Variants in KDM4B observed in about 807,000 individuals in gnomAD.
KDM4B encodes lysine demethylase 4B.
Under a neutral mutation model 125.2 loss-of-function variants are expected in KDM4B, and 32 were observed. The observed-to-expected ratio is 0.26, with a 90% confidence interval of 0.19 to 0.34. KDM4B has a LOEUF of 0.34. Ranked by LOEUF, KDM4B falls within the 10% of genes least tolerant of loss-of-function variation. The probability of loss-of-function intolerance (pLI) is 1.00; values close to 1 mark genes in which losing one functional copy is unlikely to be tolerated. For missense variants in KDM4B, 1,190 were observed against 1,577.7 expected, an observed-to-expected ratio of 0.75 and a Z score of 4.16; for synonymous variants, 721 against 677.9, an observed-to-expected ratio of 1.06 and a Z score of -0.99.
chr19:5,104,529 C>T (rs1371000546), intron 9 of KDM4B, among the ~76,000 whole-genome samples: 1 of 150,954 alleles, frequency 6.6e-6, no homozygotes, highest in African/African-American at 2.4e-5. Flanking sequence ...ATTAAAGGTC[C>T]TTAAAACATG....
At chr19:4,980,611 A>G (rs2034604719) in intron 1 of KDM4B, among the ~76,000 whole-genome samples, 1 of 151,522 alleles carries the variant, frequency 6.6e-6, no homozygotes, top group Non-Finnish European at 1.5e-5. Context: ...TTTAGTAGAG[A>G]TGGGGTTTCA....
At chr19:5,045,135 G>A (rs535655170) in intron 5 of KDM4B, among the ~76,000 whole-genome samples, 11 of 152,170 alleles carry the variant, frequency 7.2e-5, no homozygotes, top group South Asian at 2.1e-4. Context: ...CTGTCCTCCC[G>A]CCCACCTGTC....
At chr19:4,996,237 A>G (rs1326213027) in intron 1 of KDM4B, among the ~76,000 whole-genome samples, 1 of 152,084 alleles carries the variant, frequency 6.6e-6, no homozygotes, top group African/African-American at 2.4e-5. Flanking sequence ...TGATCAGCCT[A>G]CCTCAGCCTC....
At position 5,032,889 on chromosome 19, in the gene KDM4B, C is replaced by T. The variant is rs767370549; in HGVS notation, c.-2C>T. The T allele has an allele frequency of 1.2e-6, 2 of 1,613,962 alleles. No individual in the cohort carries two copies. The highest frequency in any genetic ancestry group is 1.7e-5 in the Admixed American group (1 of 60,020). On this transcript the variant is annotated 5_prime_UTR_variant, in exon 3 of 23. Transcript: ENST00000159111. ...AGGTGTGCTTCCCGCACAGCTGCAG[C>T]CATGGGGTCTGAGGACCACGGCGCC... is the stretch of plus-strand genomic sequence containing the variant.
At chr19:5,070,767 T>C in intron 6 of KDM4B, 1 of 450,622 alleles carries the variant, frequency 2.2e-6, no homozygotes, top group Non-Finnish European at 4.0e-6. Flanking sequence ...TCTGAGTGTG[T>C]CACAAGCCAC....
At chr19:5,000,315 G>GTCCA (rs907629015) in intron 1 of KDM4B, among the ~76,000 whole-genome samples, 12 of 137,294 alleles carry the variant, frequency 8.7e-5, no homozygotes, top group African/African-American at 3.0e-4. Flanking sequence ...CTGTCCGTCT[G>GTCCA]TCCATCCATC....
At chr19:5,089,507 C>T (rs141947411) in intron 9 of KDM4B, among the ~76,000 whole-genome samples, 66 of 152,102 alleles carry the variant, frequency 4.3e-4, no homozygotes, top group African/African-American at 9.4e-4. Context: ...GAGATGAGCG[C>T]GACAACTTTA....
intron 21 of KDM4B, among the ~76,000 whole-genome samples, chr19:5,149,980 C>T (rs963341131): frequency 2.0e-5 from 3 of 152,170 alleles, no homozygotes; most frequent in Non-Finnish European, 4.4e-5. Context: ...ACTGCGCCTC[C>T]TGCCTGGCTC....
At chr19:5,015,576 G>A (rs1227843225) in intron 1 of KDM4B, among the ~76,000 whole-genome samples, 2 of 152,220 alleles carry the variant, frequency 1.3e-5, no homozygotes, top group East Asian at 1.9e-4. Context: ...ATTGGCCGGC[G>A]TGGTGGCTTA....
chr19:5,008,267 C>G (rs1485290571), intron 1 of KDM4B, among the ~76,000 whole-genome samples: 2 of 152,176 alleles, frequency 1.3e-5, no homozygotes, highest in Non-Finnish European at 1.5e-5. Context: ...GTTGAAAAAA[C>G]TGTTCTTTTT....
intron 11 of KDM4B, among the ~76,000 whole-genome samples, chr19:5,126,159 G>C (rs1483971559): frequency 6.6e-6 from 1 of 152,188 alleles, no homozygotes; most frequent in Non-Finnish European, 1.5e-5. Flanking sequence ...GCTCACAGGG[G>C]CCAGGGGGCA....
chr19:4,970,439 C>A (rs1483590246), intron 1 of KDM4B, among the ~76,000 whole-genome samples: 4 of 151,860 alleles, frequency 2.6e-5, no homozygotes, highest in Non-Finnish European at 5.9e-5. Context: ...CAGCAAGTTC[C>A]TTTGGGTCCC....
chr19:5,139,321 G>A (rs942611451), intron 18 of KDM4B, among the ~76,000 whole-genome samples: 3 of 152,170 alleles, frequency 2.0e-5, no homozygotes, highest in Non-Finnish European at 4.4e-5. Context: ...GTGGATGGAC[G>A]ACGTTGTGTT....
rs138200599 is a variant in KDM4B at position 5,047,408 on chromosome 19, T to C, written c.433-68T>C. On this transcript the variant is annotated intron_variant, in intron 5 of 22. Coordinates refer to ENST00000159111, the MANE Select transcript of KDM4B (RefSeq NM_015015.3). ...CCTGGGACTCTGGGGAGAATTAGCC[T>C]GCACCCCAGGGCTCGCAGGTTCTGG... 1.2e-3 allele frequency: 1,696 copies of C among 1,453,562 alleles called. 22 individuals are homozygous for C. The African/African-American group carries it at 0.021, about 18-fold the overall frequency. The allele number at this position is 1,453,562 out of a possible 1,614,324, so 90.0% of individuals were successfully genotyped here.
chr19:5,019,250 G>A (rs1382916924), intron 2 of KDM4B, among the ~76,000 whole-genome samples: 34 of 150,164 alleles, frequency 2.3e-4, no homozygotes, highest in Non-Finnish European at 3.7e-4. Flanking sequence ...GCACGTATTG[G>A]TGTGCAGGTG....
At position 5,014,981 on chromosome 19, in the gene KDM4B, C is replaced by T. The variant is rs371677882; in HGVS notation, c.-108-1276C>T. Among the ~76,000 whole-genome samples the T allele has an allele frequency of 2.2e-4, 33 of 148,086 alleles. No homozygotes were observed. In the South Asian group the frequency reaches 6.7e-3, roughly 30 times the overall value. ...CTGCACTCCAGCCTGGGTGACAGAG[C>T]GAGAGTCCGTCTCAAAAAAAAAAAA... is the stretch of plus-strand genomic sequence containing the variant. On this transcript the variant is annotated intron_variant, in intron 1 of 22. Coordinates refer to ENST00000159111, the MANE Select transcript of KDM4B (RefSeq NM_015015.3).
At chr19:5,050,461 C>G (rs1424279852) in intron 6 of KDM4B, among the ~76,000 whole-genome samples, 1 of 152,210 alleles carries the variant, frequency 6.6e-6, no homozygotes, top group East Asian at 1.9e-4. Context: ...GGCCGGAGTG[C>G]AGGTGGGTGT....
chr19:5,047,456 G>A lies in KDM4B; in HGVS notation c.433-20G>A, dbSNP rs1317391691. ...TGGGGGTGGCCGGGCGGTTGCCGAC[G>A]CTGCTCTGCCGCCCCACAGGACGTG... is the stretch of plus-strand genomic sequence containing the variant. On this transcript the variant is annotated intron_variant, in intron 5 of 22. Transcript: ENST00000159111. 3 of 1,582,600 alleles carry A rather than the reference G, an allele frequency of 1.9e-6. No homozygotes were observed. Among genetic ancestry groups the A allele is most frequent in the Admixed American group, 1.8e-5 (1 of 56,914 alleles).
intron 18 of KDM4B, chr19:5,140,851 C>T (rs1032816016): frequency 6.6e-6 from 1 of 152,242 alleles, no homozygotes; most frequent in African/African-American, 2.4e-5. Flanking sequence ...TGCACTCCGG[C>T]CTCTGCACAC....
Sources: gnomAD v4.1 joint callset for allele counts (sites outside exome capture counted in the v4.1 genomes callset) on GRCh38, gnomAD v4.1.1 for gene constraint, MANE v1.5 for transcripts, NCBI Gene and HGNC (gene_info 2026-07-23, HGNC 2026-07-21) for gene names.